Variants in LEPR observed in about 807,000 individuals in gnomAD.
LEPR encodes leptin receptor, also known as OB receptor.
A neutral mutation model predicts 114.7 loss-of-function variants in LEPR; 56 were observed. The observed-to-expected ratio is 0.49, with a 90% confidence interval of 0.39 to 0.61. The LOEUF is 0.61. LEPR is among the 20% of genes least tolerant of loss of function. The pLI is 0.00. For synonymous variants in LEPR, 443 were observed against 461.4 expected, an observed-to-expected ratio of 0.96 and a Z score of 0.51; for missense variants, 1,202 against 1,352.9, an observed-to-expected ratio of 0.89 and a Z score of 1.75.
rs1232787844 is a variant in LEPR, at chr1:65,636,285, G to C, written c.2768G>C (p.Ser923Thr). The C allele has an allele frequency of 6.2e-7, 1 of 1,613,796 alleles. No homozygotes were observed. The highest frequency in any genetic ancestry group is 1.3e-5 in the African/African-American group (1 of 74,872). Residue 923 changes from serine to threonine, a missense_variant, in exon 20 of 20, where the codon AGT becomes ACT. Physicochemically the swap from Ser to Thr is moderately conservative, Grantham distance 58. Transcript: ENST00000349533. ...LEPETISEDI[S>T]VDTSWKNKDE... is the part of the protein sequence containing the mutation. ...CCTGAAACAATTTCAGAAGATATCAGTGTTGATACATCATGGAAAAATAAA... is the reference window on the plus strand; with the variant it reads ...CCTGAAACAATTTCAGAAGATATCACTGTTGATACATCATGGAAAAATAAA...
intron 2 of LEPR, among the ~76,000 whole-genome samples, chr1:65,499,763 A>G (rs759281776): frequency 3.9e-5 from 6 of 152,136 alleles, no homozygotes; most frequent in African/African-American, 1.4e-4. Context: ...CCTTGTCTAC[A>G]GCTCATCGAT....
At chr1:65,586,301 G>T (rs1457486614) in intron 5 of LEPR, among the ~76,000 whole-genome samples, 1 of 151,934 alleles carries the variant, frequency 6.6e-6, no homozygotes, top group Non-Finnish European at 1.5e-5. Context: ...ATTACTAAAG[G>T]TGTTTCATGT....
At position 65,636,503 on chromosome 1, in the gene LEPR, A is replaced by C; in HGVS notation, c.2986A>C (p.Ser996Arg). Residue 996 changes from serine to arginine, a missense_variant, in exon 20 of 20, where the codon AGT (serine) becomes CGT (arginine). Transcript: ENST00000349533. The stretch of plus-strand genomic sequence containing the variant: ...CACGCTGATCAGCAACTCTAAACCA[A>C]GTGAAACTGGTGAAGAACAAGGGCT... ...YATLISNSKP[S>R]ETGEEQGLIN... is the part of the protein sequence containing the mutation. 2 of 1,614,086 alleles carry C rather than the reference A, an allele frequency of 1.2e-6. No individual in the cohort carries two copies. Among genetic ancestry groups the C allele is most frequent in the Non-Finnish European group, 1.7e-6 (2 of 1,179,990 alleles).
intron 2 of LEPR, among the ~76,000 whole-genome samples, chr1:65,491,411 C>T (rs753169507): frequency 3.9e-5 from 6 of 152,048 alleles, no homozygotes; most frequent in African/African-American, 9.7e-5. Flanking sequence ...GAAAATCTAA[C>T]GAGCTTATGT....
chr1:65,550,413 C>G (rs1652214342), intron 2 of LEPR, among the ~76,000 whole-genome samples: 1 of 152,184 alleles, frequency 6.6e-6, no homozygotes, highest in Non-Finnish European at 1.5e-5. Context: ...TGCCCTGCCC[C>G]CAGAGGTGGA....
intron 5 of LEPR, among the ~76,000 whole-genome samples, chr1:65,578,712 A>G (rs1367315036): frequency 1.3e-5 from 2 of 152,198 alleles, no homozygotes; most frequent in African/African-American, 4.8e-5. Flanking sequence ...AAAATTGTAA[A>G]TTTAATAATT....
At chr1:65,490,434 G>A (rs1016366309) in intron 2 of LEPR, among the ~76,000 whole-genome samples, 1 of 151,974 alleles carries the variant, frequency 6.6e-6, no homozygotes, top group African/African-American at 2.4e-5. Context: ...TTTTCTGGGA[G>A]GATTATACAT....
chr1:65,596,256 C>T (rs1656055991), intron 6 of LEPR, among the ~76,000 whole-genome samples, 192 bp from the exon 7 acceptor site: 1 of 151,962 alleles, frequency 6.6e-6, no homozygotes, highest in African/African-American at 2.4e-5. Flanking sequence ...ACATGGATTG[C>T]TATGATAAGG....
chr1:65,535,838 A>G (rs1239082176), intron 2 of LEPR, among the ~76,000 whole-genome samples: 2 of 152,088 alleles, frequency 1.3e-5, no homozygotes, highest in African/African-American at 4.8e-5. Context: ...TACTGACCAG[A>G]GGTTCTGTGG....
In LEPR at chr1:65,640,682, T is replaced by C. The variant is rs2101050995; in HGVS notation, c.*3667T>C. 1 of 152,208 alleles carries C rather than the reference T, an allele frequency of 6.6e-6. No homozygotes were observed. The highest frequency in any genetic ancestry group is 1.5e-5 in the Non-Finnish European group (1 of 68,006). The allele number at this position is 152,208 out of a possible 1,614,324, so 9.4% of individuals were successfully genotyped here. ...ATCAGCCTGTATGAGAACTGGGATATTGTTACATATTCAGCCTGTATGAGA... is the reference window on the plus strand; with the variant it reads ...ATCAGCCTGTATGAGAACTGGGATACTGTTACATATTCAGCCTGTATGAGA... On this transcript the variant is annotated 3_prime_UTR_variant, in exon 20 of 20. Transcript: ENST00000349533.
At chr1:65,464,934 C>T (rs1570501317) in intron 2 of LEPR, among the ~76,000 whole-genome samples, 1 of 152,064 alleles carries the variant, frequency 6.6e-6, no homozygotes, top group Non-Finnish European at 1.5e-5. Flanking sequence ...CTTTATTAGT[C>T]TTGCTAGCGG....
intron 2 of LEPR, among the ~76,000 whole-genome samples, chr1:65,496,985 T>TAA (rs940780326): frequency 8.4e-5 from 8 of 95,410 alleles, no homozygotes; most frequent in Non-Finnish European, 1.4e-4. Flanking sequence ...AGTGTTCATA[T>TAA]ACATATATAT....
intron 2 of LEPR, among the ~76,000 whole-genome samples, chr1:65,537,840 A>G (rs1650886719): frequency 6.6e-6 from 1 of 152,196 alleles, no homozygotes; most frequent in African/African-American, 2.4e-5. Context: ...CATTAAAGTT[A>G]TTATGACCCT....
chr1:65,478,189 A>G (rs12409877), intron 2 of LEPR, among the ~76,000 whole-genome samples: 79,404 of 151,972 alleles, frequency 0.52, 21,788 homozygotes, highest in Middle Eastern at 0.69. Flanking sequence ...TTTAGTGGAA[A>G]AACACCCAGG....
chr1:65,431,670 G>A (rs542853814), intron 2 of LEPR: 2 of 846,544 alleles, frequency 2.4e-6, no homozygotes, highest in African/African-American at 3.4e-5. Context: ...ATTGTCTCCT[G>A]TTACATTATT....
chr1:65,442,897 A>G (rs1646667667), intron 2 of LEPR, among the ~76,000 whole-genome samples: 1 of 152,146 alleles, frequency 6.6e-6, no homozygotes, highest in African/African-American at 2.4e-5. Context: ...GCACACAGAG[A>G]CCATACTCAG....
intron 2 of LEPR, among the ~76,000 whole-genome samples, chr1:65,519,109 CTCCTTCCTTCCTT>C (rs893630991): frequency 2.7e-4 from 30 of 109,592 alleles, no homozygotes; most frequent in Admixed American, 2.4e-3. Context: ...GTGTCTCTCT[CTCCTTCCTTCCTT>C]CCTTCCTTCC....
intron 2 of LEPR, among the ~76,000 whole-genome samples, chr1:65,502,021 CCTT>C (rs1232544364): frequency 3.3e-5 from 5 of 152,056 alleles, no homozygotes; most frequent in Admixed American, 3.3e-4. Flanking sequence ...ATCTTTGTCT[CCTT>C]CTTAAAGAAA....
At chr1:65,529,619 TA>T (rs1200198226) in intron 2 of LEPR, among the ~76,000 whole-genome samples, 9 of 151,868 alleles carry the variant, frequency 5.9e-5, no homozygotes, top group African/African-American at 1.5e-4. Flanking sequence ...TTCACACTGT[TA>T]AAAAAAACTC....
Sources: gnomAD v4.1 joint callset for allele counts (sites outside exome capture counted in the v4.1 genomes callset) on GRCh38, gnomAD v4.1.1 for gene constraint, MANE v1.5 for transcripts, NCBI Gene and HGNC (gene_info 2026-07-23, HGNC 2026-07-21) for gene names.